The following TENM2 variants were observed in gnomAD, a reference collection of about 807,000 sequenced individuals.
TENM2 encodes teneurin transmembrane protein 2.
In TENM2, 52 loss-of-function variants were observed where a neutral mutation model predicts 245.2. That is an observed-to-expected ratio of 0.21 (90% CI 0.17 to 0.27). TENM2 has a LOEUF of 0.27. TENM2 is among the 10% of genes least tolerant of loss of function. TENM2 has a pLI of 1.00. For missense variants in TENM2, 3,046 were observed against 3,666.8 expected (o/e 0.83, Z 4.37); for synonymous variants, 1,363 against 1,438.9 (o/e 0.95, Z 1.19).
At chr5:167,445,240 AG>A (rs1189068326) in intron 2 of TENM2, among the ~76,000 whole-genome samples, 1 of 150,946 alleles carries the variant, frequency 6.6e-6, no homozygotes, top group Non-Finnish European at 1.5e-5. Flanking sequence ...ATCAGAGATA[AG>A]TGTAAGCCAA....
At chr5:167,456,484 A>C (rs1765929978) in intron 2 of TENM2, among the ~76,000 whole-genome samples, 2 of 152,168 alleles carry the variant, frequency 1.3e-5, no homozygotes, top group African/African-American at 4.8e-5. Context: ...ACACACACAC[A>C]CACACATCTG....
chr5:168,179,775 C>A (rs1376427798), intron 13 of TENM2, among the ~76,000 whole-genome samples: 1 of 152,172 alleles, frequency 6.6e-6, no homozygotes, highest in Non-Finnish European at 1.5e-5. Context: ...CCATTTCTCA[C>A]CTGTAAATAA....
chr5:167,358,693 A>C (rs1759502296), intron 1 of TENM2, among the ~76,000 whole-genome samples: 1 of 151,524 alleles, frequency 6.6e-6, no homozygotes, highest in Non-Finnish European at 1.5e-5. Context: ...CCAAATCTGT[A>C]TCTCGTATAT....
the TENM2 span, among the ~76,000 whole-genome samples, chr5:167,169,033 A>G: frequency 6.6e-6 from 1 of 152,214 alleles, no homozygotes; most frequent in Non-Finnish European, 1.5e-5. Context: ...TGCTGGGATT[A>G]TAGGCGTGAG....
At chr5:167,693,228 G>A (rs908631444) in intron 2 of TENM2, among the ~76,000 whole-genome samples, 4 of 152,028 alleles carry the variant, frequency 2.6e-5, no homozygotes, top group East Asian at 1.9e-4. Flanking sequence ...CGCAATTGCC[G>A]TACCAAATCT....
chr5:168,121,950 A>G (rs1795498260), intron 10 of TENM2, among the ~76,000 whole-genome samples: 2 of 152,222 alleles, frequency 1.3e-5, no homozygotes, highest in Admixed American at 1.3e-4. Context: ...TAATTTACAG[A>G]TCCCCAAATA....
chr5:167,429,884 G>A (rs973082010), intron 2 of TENM2, among the ~76,000 whole-genome samples: 5 of 152,122 alleles, frequency 3.3e-5, no homozygotes, highest in African/African-American at 1.2e-4. Flanking sequence ...TGGGATTACA[G>A]GAGGAAACTC....
intron 2 of TENM2, among the ~76,000 whole-genome samples, chr5:167,457,393 C>T (rs977646348): frequency 4.6e-5 from 7 of 151,320 alleles, no homozygotes; most frequent in Non-Finnish European, 2.9e-5. Flanking sequence ...AGTGCAATGG[C>T]GCAATCTCAG....
the TENM2 span, among the ~76,000 whole-genome samples, chr5:167,200,706 G>A: frequency 2.0e-5 from 3 of 152,076 alleles, no homozygotes; most frequent in Admixed American, 2.0e-4. Context: ...TGTGTGTGAG[G>A]CAATCCAAGT....
At chr5:167,434,295 C>T (rs1214676491) in intron 2 of TENM2, among the ~76,000 whole-genome samples, 2 of 150,824 alleles carry the variant, frequency 1.3e-5, no homozygotes, top group Non-Finnish European at 3.0e-5. Context: ...GTGGCAGGTG[C>T]CCGTACTACT....
chr5:167,193,618 G>A, the TENM2 span, among the ~76,000 whole-genome samples: 1 of 151,960 alleles, frequency 6.6e-6, no homozygotes, highest in Non-Finnish European at 1.5e-5. Flanking sequence ...CTCTTTGTAG[G>A]TGTAGATTTA....
At chr5:167,891,345 C>T (rs1774741861) in intron 3 of TENM2, among the ~76,000 whole-genome samples, 1 of 152,140 alleles carries the variant, frequency 6.6e-6, no homozygotes, top group African/African-American at 2.4e-5. Flanking sequence ...GTGCAACCTC[C>T]ACTCACTGCA....
the TENM2 span, among the ~76,000 whole-genome samples, chr5:167,115,967 C>A: frequency 6.6e-6 from 1 of 152,172 alleles, no homozygotes; most frequent in Non-Finnish European, 1.5e-5. Context: ...GACACATGCA[C>A]ACCTAATAGG....
the TENM2 span, among the ~76,000 whole-genome samples, chr5:167,143,770 T>G: frequency 6.6e-6 from 1 of 152,194 alleles, no homozygotes; most frequent in Non-Finnish European, 1.5e-5. Context: ...TACAAAGCCG[T>G]GCAAGGATGG....
chr5:167,740,032 C>T lies in TENM2; in HGVS notation c.503-135954C>T, dbSNP rs1045121321. On this transcript the variant is annotated intron_variant, in intron 2 of 28. Transcript: ENST00000518659. ...TAATTAGCAGATGCGGGGGTTTCTG[C>T]GATGTTTCATTAGTGAGTGGTGCTG... 1.4e-4 allele frequency among the ~76,000 whole-genome samples: 22 copies of T among 152,120 alleles called. 1 individual carries two copies. In the South Asian group the frequency reaches 2.9e-3, roughly 20 times the overall value.
At chr5:167,151,376 C>T in the TENM2 span, among the ~76,000 whole-genome samples, 1 of 152,164 alleles carries the variant, frequency 6.6e-6, no homozygotes, top group Non-Finnish European at 1.5e-5. Flanking sequence ...CAACATTTCA[C>T]TTTTCTGACT....
At position 168,098,113 on chromosome 5, in the gene TENM2, C is replaced by A. The variant is rs191433288; in HGVS notation, c.1799C>A (p.Ala600Glu). The stretch of plus-strand genomic sequence containing the variant: ...CACTGTTTCCCAGGATTTCTAGGAG[C>A]AGACTGTGCTAAAGGTATGTGCCGC... Residue 600 changes from alanine (A) to glutamate (E), a missense_variant, in exon 9 of 29, where the codon GCA becomes GAA. By Grantham distance (107) the Ala-to-Glu change is moderately radical (BLOSUM62 -1). Transcript: ENST00000518659. 18 of 1,612,926 alleles carry A rather than the reference C, an allele frequency of 1.1e-5. No individual in the cohort carries two copies. The highest frequency in any genetic ancestry group is 1.5e-5 in the Non-Finnish European group (18 of 1,179,218).
chr5:166,995,208 T>C, the TENM2 span, among the ~76,000 whole-genome samples: 2 of 152,088 alleles, frequency 1.3e-5, no homozygotes, highest in Admixed American at 6.5e-5. Flanking sequence ...TGTGATTATA[T>C]ATTTTTTAAA....
At chr5:167,403,465 G>A (rs1429265585) in intron 2 of TENM2, among the ~76,000 whole-genome samples, 2 of 152,094 alleles carry the variant, frequency 1.3e-5, no homozygotes, top group Non-Finnish European at 2.9e-5. Context: ...GAAATGTCTG[G>A]ATATTCCTTC....
Sources: gnomAD v4.1 joint callset for allele counts (sites outside exome capture counted in the v4.1 genomes callset) on GRCh38, gnomAD v4.1.1 for gene constraint, MANE v1.5 for transcripts, NCBI Gene and HGNC (gene_info 2026-07-23, HGNC 2026-07-21) for gene names.